The following FLYWCH1 variants were observed in gnomAD, a reference collection of about 807,000 sequenced individuals.
FLYWCH1 encodes the protein FLYWCH-type zinc finger-containing protein 1.
In FLYWCH1, 75 loss-of-function variants were observed where a neutral mutation model predicts 66.4. That is an observed-to-expected ratio of 1.13 (90% CI 0.94 to 1.37). FLYWCH1 has a LOEUF of 1.37. Among genes scored for constraint, FLYWCH1 ranks in the 40% most tolerant of loss-of-function variants. The probability of loss-of-function intolerance (pLI) is 0.00; values close to 1 mark genes in which losing one functional copy is unlikely to be tolerated. For missense variants in FLYWCH1, 1,334 were observed against 1,001.8 expected, an observed-to-expected ratio of 1.33 and a Z score of -4.48; for synonymous variants, 595 against 429.9, an observed-to-expected ratio of 1.38 and a Z score of -4.75.
At chr16:2,937,057 G>T (rs2071034776) in intron 6 of FLYWCH1, 64 bp from the exon 7 acceptor site, 6 of 1,247,862 alleles carry the variant, frequency 4.8e-6, no homozygotes, top group Middle Eastern at 2.2e-4. Context: ...CTCATCTCGG[G>T]GCCATGCTGA....
chr16:2,923,908 G>T (rs138343824), intron 2 of FLYWCH1, among the ~76,000 whole-genome samples: 3 of 152,036 alleles, frequency 2.0e-5, no homozygotes. Context: ...GCATGTTGGC[G>T]GGCACCTGTA....
intron 2 of FLYWCH1, among the ~76,000 whole-genome samples, chr16:2,925,582 G>GGC (rs1555483233): frequency 1.5e-5 from 1 of 67,458 alleles, no homozygotes; most frequent in Non-Finnish European, 2.7e-5. Context: ...TGCGGGGGGA[G>GGC]GGGGGTACGG....
intron 6 of FLYWCH1, chr16:2,936,707 C>CG (rs1272837624): frequency 2.1e-6 from 1 of 468,892 alleles, no homozygotes; most frequent in African/African-American, 2.0e-5. Context: ...GCGCGGCTCT[C>CG]GGGGGCCACC....
intron 2 of FLYWCH1, among the ~76,000 whole-genome samples, chr16:2,924,949 G>A (rs1232265625): frequency 6.6e-6 from 1 of 152,222 alleles, no homozygotes; most frequent in Non-Finnish European, 1.5e-5. Context: ...CACTTCCTGT[G>A]ACTCGGGTAC....
chr16:2,914,263 G>C lies in FLYWCH1; in HGVS notation c.-100G>C, dbSNP rs768106356. 1 of 152,400 alleles carries C rather than the reference G, an allele frequency of 6.6e-6. No homozygotes were observed. The highest frequency in any genetic ancestry group is 1.9e-4 in the East Asian group (1 of 5,188). The allele number at this position is 152,400 out of a possible 1,614,324, so 9.4% of individuals were successfully genotyped here. On this transcript the variant is annotated 5_prime_UTR_variant, in exon 2 of 10. An upstream start codon of the reference 5' UTR is lost. Transcript: ENST00000253928. Reference sequence around the variant, plus strand: ...CCGTGACCCAGGTGTGGGGGATGATGGTGACGCTTCTCACTCACGTGTGAA... The same window carrying C: ...CCGTGACCCAGGTGTGGGGGATGATCGTGACGCTTCTCACTCACGTGTGAA...
chr16:2,919,422 C>T (rs371845045), intron 2 of FLYWCH1, among the ~76,000 whole-genome samples: 6 of 151,998 alleles, frequency 3.9e-5, no homozygotes, highest in African/African-American at 1.2e-4. Context: ...TGCGCCACCA[C>T]ACCCAGCTAA....
At chr16:2,929,567 C>A in intron 2 of FLYWCH1, 46 bp from the exon 3 acceptor site, 1 of 1,308,638 alleles carries the variant, frequency 7.6e-7, no homozygotes, top group South Asian at 1.5e-5. Context: ...CGTCTAGAGT[C>A]CCCCAAGGGC....
In FLYWCH1 at chr16:2,948,892, TGGA is replaced by T. The variant is rs2071593129; in HGVS notation, c.*166_*168del. On this transcript the variant is annotated 3_prime_UTR_variant, in exon 10 of 10. Transcript: ENST00000253928. ...CAGGAGGTCTCCCAGGAGGAATTCT[TGGA>T]TGGTGTCCTCATGTCGGCGGAGAAC... 1 of 623,870 alleles carries T rather than the reference TGGA, an allele frequency of 1.6e-6. No homozygotes were observed. The highest frequency in any genetic ancestry group is 2.8e-6 in the Non-Finnish European group (1 of 352,752). 38.6% of individuals were successfully genotyped at this position (623,870 alleles called of 1,614,324 possible).
In FLYWCH1 at chr16:2,937,279, C is replaced by G. The variant is rs777800252; in HGVS notation, c.1672C>G (p.Arg558Gly). The change falls in exon 7 of 10, where the codon CGG becomes GGG. Residue 558 changes from arginine (R) to glycine (G), a missense_variant. Physicochemically the swap from Arg to Gly is moderately radical, Grantham distance 125. Coordinates refer to ENST00000253928, the MANE Select transcript of FLYWCH1 (RefSeq NM_001308068.2). ...CAGCCGCGCCATCACCCAGGGCCGG[C>G]GGGTCATGGTCATGCGCAGGCACTG... Reference protein sequence around the residue: ...CRSRAITQGRRVMVMRRHCHP... With the variant: ...CRSRAITQGRGVMVMRRHCHP... 6.2e-7 allele frequency: 1 copy of G among 1,604,998 alleles called. No homozygotes were observed. Among genetic ancestry groups the G allele is most frequent in the Middle Eastern group, 1.9e-4 (1 of 5,162 alleles).
Position 2,933,539 on chromosome 16 carries a change from GC to G in FLYWCH1, c.1209del (p.Glu404ArgfsTer19). 6.2e-7 allele frequency: 1 copy of G among 1,608,664 alleles called. No homozygotes were observed. On this transcript the variant is annotated frameshift_variant, in exon 5 of 10. Transcript: ENST00000253928. LOFTEE classifies it high-confidence loss of function. ...KVEDQELPTQ[P>X]EAPDEHQDMD... ...TCGAAGACCAGGAGCTGCCAACCCA[GC>G]CCGAGGCCCCAGACGAGCACCAGGA...
intron 2 of FLYWCH1, among the ~76,000 whole-genome samples, chr16:2,920,944 C>T (rs1412472514): frequency 2.0e-5 from 3 of 148,810 alleles, no homozygotes; most frequent in African/African-American, 7.5e-5. Flanking sequence ...CGGGTTCAAG[C>T]GATTCTTCTG....
chr16:2,930,247 C>T (rs917459701), intron 3 of FLYWCH1, among the ~76,000 whole-genome samples, 163 bp from the exon 4 acceptor site: 6 of 152,076 alleles, frequency 3.9e-5, no homozygotes, highest in East Asian at 1.9e-4. Context: ...TCCACTACCA[C>T]CCCCAAAATA....
intron 9 of FLYWCH1, among the ~76,000 whole-genome samples, chr16:2,941,945 C>A (rs1242078368): frequency 6.7e-5 from 8 of 119,530 alleles, no homozygotes; most frequent in Non-Finnish European, 1.3e-4. Flanking sequence ...TGCAGTGAGT[C>A]GAGATTGCGC....
chr16:2,921,134 C>T (rs2070360570), intron 2 of FLYWCH1, among the ~76,000 whole-genome samples: 1 of 152,196 alleles, frequency 6.6e-6, no homozygotes, highest in Non-Finnish European at 1.5e-5. Flanking sequence ...AGCCACCATT[C>T]CCAGACAGGG....
chr16:2,920,967 G>C (rs1196988912), intron 2 of FLYWCH1, among the ~76,000 whole-genome samples: 1 of 149,724 alleles, frequency 6.7e-6, no homozygotes. Context: ...TCAGCCTTCC[G>C]AGTAGCTGGG....
rs1294094037 is a variant in FLYWCH1, at chr16:2,939,630, C to T, written c.2051-402C>T. ...CAGAAAAGGGGAGGATCACTCTAGC[C>T]CGGGAGGTTGAGGCTGCAGTGAGCC... On this transcript the variant is annotated intron_variant, in intron 8 of 9. Transcript: ENST00000253928. The T allele has an allele frequency of 1.6e-5, 3 of 182,262 alleles. No individual in the cohort carries two copies. In the South Asian group the frequency reaches 3.2e-4, roughly 20 times the overall value. 11.3% of individuals were successfully genotyped at this position (182,262 alleles called of 1,614,324 possible). A position where few individuals can be genotyped will look rare whatever the true frequency, so the allele number is the denominator to read the frequency against.
intron 1 of FLYWCH1, among the ~76,000 whole-genome samples, 171 bp downstream of exon 1, chr16:2,912,325 C>T (rs947112371): frequency 6.6e-6 from 1 of 151,996 alleles, no homozygotes; most frequent in Non-Finnish European, 1.5e-5. Context: ...TTGCTCCTCG[C>T]CCCTCCATCC....
At chr16:2,939,723 G>C (rs1323341372) in intron 8 of FLYWCH1, 3 of 291,926 alleles carry the variant, frequency 1.0e-5, no homozygotes, top group Non-Finnish European at 1.3e-5. Flanking sequence ...TTTGAGAAAA[G>C]GATTTCTTTG....
chr16:2,922,864 C>T, intron 2 of FLYWCH1: 7 of 524,602 alleles, frequency 1.3e-5, no homozygotes, highest in Admixed American at 7.7e-5. Flanking sequence ...CTGTCTTCTT[C>T]ATGGCAGACT....
Sources: allele counts gnomAD v4.1 joint callset (sites outside exome capture counted in the v4.1 genomes callset), GRCh38; gene constraint gnomAD v4.1.1; transcripts MANE v1.5; gene names NCBI Gene and HGNC (gene_info 2026-07-23, HGNC 2026-07-21).